The following UBASH3B variants were observed in gnomAD, a reference collection of about 807,000 sequenced individuals.
The protein encoded by UBASH3B is ubiquitin-associated and SH3 domain-containing protein B.
In UBASH3B, 37 loss-of-function variants were observed where a neutral mutation model predicts 83.4. The observed-to-expected ratio is 0.44, with a 90% CI of 0.34 to 0.58. UBASH3B has a LOEUF of 0.58. Among genes scored for constraint, UBASH3B ranks in the 20% least tolerant of loss-of-function variants. The probability of loss-of-function intolerance (pLI) is 0.01; values close to 1 mark genes in which losing one functional copy is unlikely to be tolerated. For missense variants in UBASH3B, 657 were observed against 827.2 expected (o/e 0.79, Z 2.52); for synonymous variants, 304 against 318.3 (o/e 0.96, Z 0.48).
chr11:122,719,144 T>A (rs1336060301), intron 1 of UBASH3B, among the ~76,000 whole-genome samples: 1 of 152,252 alleles, frequency 6.6e-6, no homozygotes, highest in East Asian at 1.9e-4. Context: ...ACACTGCCAA[T>A]TTACAGATGG....
At chr11:122,737,144 T>C (rs1860946174) in intron 1 of UBASH3B, among the ~76,000 whole-genome samples, 1 of 152,084 alleles carries the variant, frequency 6.6e-6, no homozygotes, top group East Asian at 1.9e-4. Context: ...AAATAGAGCA[T>C]ACAGGCAAAT....
In UBASH3B at chr11:122,655,966, C is replaced by T; in HGVS notation, c.-84C>T. ...GCCTGGCTCTGGGTCCCCGAGCCCC[C>T]TCCCCTGGCCCAGCCCGACTCCCTC... On this transcript the variant is annotated 5_prime_UTR_variant, in exon 1 of 14. Coordinates refer to ENST00000284273, the MANE Select transcript of UBASH3B (RefSeq NM_032873.5). 1 of 1,310,068 alleles carries T rather than the reference C, an allele frequency of 7.6e-7. No homozygotes were observed. Among genetic ancestry groups the T allele is most frequent in the Non-Finnish European group, 9.9e-7 (1 of 1,011,424 alleles). The allele number at this position is 1,310,068 out of a possible 1,614,324, so 81.2% of individuals were successfully genotyped here.
In UBASH3B at chr11:122,810,165, G is replaced by A. The variant is rs751332073; in HGVS notation, c.*279G>A. 19 of 343,802 alleles carry A rather than the reference G, an allele frequency of 5.5e-5. No individual in the cohort carries two copies. The highest frequency in any genetic ancestry group is 1.5e-4 in the African/African-American group (7 of 47,570). 21.3% of individuals were successfully genotyped at this position (343,802 alleles called of 1,614,324 possible). A position where few individuals can be genotyped will look rare whatever the true frequency, so the allele number is the denominator to read the frequency against. Reference sequence around the variant, plus strand: ...CACCTGCTACAGAAGAGAATGTTTCGTTCCCTCTGGGTATGCACAGCTAAG... The same window carrying A: ...CACCTGCTACAGAAGAGAATGTTTCATTCCCTCTGGGTATGCACAGCTAAG... On this transcript the variant is annotated 3_prime_UTR_variant, in exon 14 of 14. Transcript: ENST00000284273.
At chr11:122,697,412 C>G (rs1591774023) in intron 1 of UBASH3B, among the ~76,000 whole-genome samples, 1 of 152,114 alleles carries the variant, frequency 6.6e-6, no homozygotes, top group Non-Finnish European at 1.5e-5. Flanking sequence ...CCAGCATGGG[C>G]TACAAGAGCA....
In UBASH3B at chr11:122,697,107, G is replaced by C. The variant is rs551296959; in HGVS notation, c.161+40897G>C. 3.2e-4 allele frequency among the ~76,000 whole-genome samples: 49 copies of C among 152,240 alleles called. 1 individual carries two copies. The highest frequency in any genetic ancestry group is 2.9e-3 in the Admixed American group (45 of 15,284). On this transcript the variant is annotated intron_variant, in intron 1 of 13. Coordinates refer to ENST00000284273, the MANE Select transcript of UBASH3B (RefSeq NM_032873.5). ...ATTTGATTTTGAAGATTAGGGTTTG[G>C]GGGGGAAGTTTGAAGTTTTGTTTGA... is the stretch of plus-strand genomic sequence containing the variant.
chr11:122,720,104 T>C (rs1377999795), intron 1 of UBASH3B, among the ~76,000 whole-genome samples: 1 of 152,202 alleles, frequency 6.6e-6, no homozygotes, highest in Non-Finnish European at 1.5e-5. Flanking sequence ...ACTATCCATA[T>C]GCTGACAACT....
chr11:122,686,084 A>T (rs1483037650), intron 1 of UBASH3B, among the ~76,000 whole-genome samples: 2 of 152,160 alleles, frequency 1.3e-5, no homozygotes, highest in Non-Finnish European at 2.9e-5. Flanking sequence ...CATGGAAAAT[A>T]AAGACTAAAA....
chr11:122,725,342 A>AAAAAGAAG (rs71281633), intron 1 of UBASH3B, among the ~76,000 whole-genome samples: 14 of 130,820 alleles, frequency 1.1e-4, no homozygotes, highest in East Asian at 4.4e-4. Flanking sequence ...AAAAAAAAAA[A>AAAAAGAAG]AAGAAAAGAA....
intron 3 of UBASH3B, among the ~76,000 whole-genome samples, chr11:122,778,613 T>A (rs11218806): frequency 3.4e-5 from 5 of 146,176 alleles, no homozygotes; most frequent in South Asian, 2.1e-4. Flanking sequence ...TTTTCTTTTT[T>A]TTTTTTATGG....
intron 1 of UBASH3B, among the ~76,000 whole-genome samples, chr11:122,695,938 TTTTTATTTTTTA>T (rs1256197424): frequency 2.0e-5 from 3 of 152,114 alleles, no homozygotes; most frequent in African/African-American, 7.2e-5. Context: ...CCAAATAGTT[TTTTTATTTTTTA>T]TTTTATTTTT....
intron 1 of UBASH3B, among the ~76,000 whole-genome samples, chr11:122,689,466 C>T (rs1565529907): frequency 6.6e-6 from 1 of 152,162 alleles, no homozygotes; most frequent in Non-Finnish European, 1.5e-5. Flanking sequence ...TTAGTTTTCG[C>T]TTTTGTAAAA....
intron 1 of UBASH3B, among the ~76,000 whole-genome samples, chr11:122,771,231 GC>G (rs1350268194): frequency 7.8e-5 from 7 of 90,064 alleles, no homozygotes; most frequent in Non-Finnish European, 1.7e-4. Flanking sequence ...CTCTTACTTT[GC>G]TTTTTTTTTT....
chr11:122,755,748 C>T (rs912323674), intron 1 of UBASH3B, among the ~76,000 whole-genome samples: 4 of 152,078 alleles, frequency 2.6e-5, no homozygotes, highest in Admixed American at 2.6e-4. Context: ...CAGGCTTTGT[C>T]GACTCAGGCC....
chr11:122,664,529 C>T (rs891773650), intron 1 of UBASH3B, among the ~76,000 whole-genome samples: 2 of 152,182 alleles, frequency 1.3e-5, no homozygotes, highest in Non-Finnish European at 2.9e-5. Context: ...TATGGAGAAT[C>T]TGTGGTTTTT....
chr11:122,777,015 G>A lies in UBASH3B; in HGVS notation c.216-9G>A. 1 of 1,593,250 alleles carries A rather than the reference G, an allele frequency of 6.3e-7. No individual in the cohort carries two copies. The highest frequency in any genetic ancestry group is 8.6e-7 in the Non-Finnish European group (1 of 1,169,264). On this transcript the variant is annotated splice_polypyrimidine_tract_variant and intron_variant, in intron 2 of 13. Coordinates refer to ENST00000284273, the MANE Select transcript of UBASH3B (RefSeq NM_032873.5). ...AGCGACACCTTGTTGGCTTACTTCT[G>A]TCTTACAGGTTATTCTCCCATGTCG... is the stretch of plus-strand genomic sequence containing the variant.
rs965773262 is a variant in UBASH3B at position 122,758,809 on chromosome 11, A to T, written c.162-17410A>T. ...CAATGAATTCAGATCAGCAATTTCCACTGGTTATGGGATTGGGATCTTCCA... is the reference window on the plus strand; with the variant it reads ...CAATGAATTCAGATCAGCAATTTCCTCTGGTTATGGGATTGGGATCTTCCA... On this transcript the variant is annotated intron_variant, in intron 1 of 13. Transcript: ENST00000284273. This position sits in a 1 kb window ranked among gnomAD's most constrained non-coding sequence, Gnocchi z 4.2. 2.6e-5 allele frequency among the ~76,000 whole-genome samples: 4 copies of T among 152,216 alleles called. No individual in the cohort carries two copies. The highest frequency in any genetic ancestry group is 9.6e-5 in the African/African-American group (4 of 41,462).
chr11:122,673,096 C>T (rs1230825748), intron 1 of UBASH3B, among the ~76,000 whole-genome samples: 1 of 152,188 alleles, frequency 6.6e-6, no homozygotes. Context: ...ACTGTCTGGC[C>T]TCTGGGCACG....
At chr11:122,693,169 TG>T (rs1432442444) in intron 1 of UBASH3B, among the ~76,000 whole-genome samples, 1 of 151,386 alleles carries the variant, frequency 6.6e-6, no homozygotes, top group Non-Finnish European at 1.5e-5. Flanking sequence ...TTCTTAAGGG[TG>T]GGGGCGATTA....
chr11:122,693,382 A>G (rs1330166382), intron 1 of UBASH3B, among the ~76,000 whole-genome samples: 1 of 152,202 alleles, frequency 6.6e-6, no homozygotes, highest in African/African-American at 2.4e-5. Flanking sequence ...CACTGAGAAG[A>G]ACGTCTATTC....
Sources: allele counts gnomAD v4.1 joint callset (sites outside exome capture counted in the v4.1 genomes callset), GRCh38; gene constraint gnomAD v4.1.1; non-coding constraint Gnocchi (gnomAD v3.1); transcripts MANE v1.5; gene names NCBI Gene and HGNC (gene_info 2026-07-23, HGNC 2026-07-21).